PFDN1: variants seen among roughly 807,000 people sequenced by gnomAD.
PFDN1 encodes prefoldin subunit 1.
PFDN1 carries 6 observed loss-of-function variants against 17.3 expected under a neutral mutation model. That is an observed-to-expected ratio of 0.35 (90% CI 0.19 to 0.69). The LOEUF is 0.69. Ranked by LOEUF, PFDN1 falls within the 30% of genes least tolerant of loss-of-function variation. PFDN1 has a pLI of 0.65. For synonymous variants in PFDN1, 58 were observed against 50.1 expected (o/e 1.16, Z -0.67); for missense variants, 113 against 146.2 (o/e 0.77, Z 1.17).
At chr5:140,273,798 C>G (rs1765248581) in intron 3 of PFDN1, 3 of 439,008 alleles carry the variant, frequency 6.8e-6, no homozygotes, top group Non-Finnish European at 9.0e-6. Context: ...GCTGAGCTAA[C>G]CAGGGTGGTG....
chr5:140,287,298 G>A (rs531014665), intron 2 of PFDN1, among the ~76,000 whole-genome samples: 4 of 152,300 alleles, frequency 2.6e-5, no homozygotes, highest in Non-Finnish European at 2.9e-5. Flanking sequence ...TCGAAGAGTC[G>A]GAGATATCAG....
At chr5:140,288,075 T>C (rs192565043) in intron 2 of PFDN1, among the ~76,000 whole-genome samples, 54 of 152,374 alleles carry the variant, frequency 3.5e-4, no homozygotes, top group Non-Finnish European at 2.9e-5. Context: ...CAGTCCATTA[T>C]CCAAATGAGT....
intron 3 of PFDN1, among the ~76,000 whole-genome samples, chr5:140,250,763 G>A (rs2126678077): frequency 6.6e-6 from 1 of 152,272 alleles, no homozygotes; most frequent in Non-Finnish European, 1.5e-5. Context: ...AGAAGCAAAG[G>A]CAGAAAATGA....
At chr5:140,269,222 A>G (rs752077705) in intron 3 of PFDN1, among the ~76,000 whole-genome samples, 3 of 152,076 alleles carry the variant, frequency 2.0e-5, no homozygotes, top group Non-Finnish European at 4.4e-5. Context: ...TTTGTTGCCC[A>G]GGCTGGTCTC....
At chr5:140,249,778 T>C (rs1304369527) in intron 3 of PFDN1, among the ~76,000 whole-genome samples, 1 of 152,054 alleles carries the variant, frequency 6.6e-6, no homozygotes, top group Non-Finnish European at 1.5e-5. Flanking sequence ...CCAGGCTCTT[T>C]TCAACAGCCA....
At chr5:140,283,639 T>C (rs1478408152) in intron 2 of PFDN1, among the ~76,000 whole-genome samples, 39 of 152,190 alleles carry the variant, frequency 2.6e-4, no homozygotes, top group Non-Finnish European at 1.5e-5. Context: ...CAAGGATTAA[T>C]TCCAGGTCTT....
At chr5:140,271,017 A>T (rs996225846) in intron 3 of PFDN1, among the ~76,000 whole-genome samples, 1 of 152,230 alleles carries the variant, frequency 6.6e-6, no homozygotes, top group East Asian at 1.9e-4. Flanking sequence ...TGCATCACAG[A>T]TGCTTTATAT....
chr5:140,282,659 T>C (rs1048266359), intron 2 of PFDN1, among the ~76,000 whole-genome samples: 1 of 152,192 alleles, frequency 6.6e-6, no homozygotes, highest in Non-Finnish European at 1.5e-5. Flanking sequence ...GGTGGAAATA[T>C]GGAGAAGTTT....
At chr5:140,250,941 T>G (rs915744873) in intron 3 of PFDN1, among the ~76,000 whole-genome samples, 4 of 152,234 alleles carry the variant, frequency 2.6e-5, no homozygotes, top group Non-Finnish European at 4.4e-5. Context: ...TATATTCTTT[T>G]TATTTTTTTT....
At chr5:140,290,540 G>A (rs1765564374) in intron 2 of PFDN1, among the ~76,000 whole-genome samples, 1 of 152,174 alleles carries the variant, frequency 6.6e-6, no homozygotes, top group South Asian at 2.1e-4. Flanking sequence ...ATTACACTCA[G>A]TGAAAGTACA....
Position 140,245,741 on chromosome 5 carries a change from T to C in PFDN1, c.*233A>G. 1 of 611,418 alleles carries C rather than the reference T, an allele frequency of 1.6e-6. No homozygotes were observed. The highest frequency in any genetic ancestry group is 4.3e-4 in the Middle Eastern group (1 of 2,304). 37.9% of individuals were successfully genotyped at this position (611,418 alleles called of 1,614,324 possible). A position where few individuals can be genotyped will look rare whatever the true frequency, so the allele number is the denominator to read the frequency against. Reference sequence around the variant, plus strand: ...CCATCTTCCCTCTCCTGGGAGTTCATCACACATCCCGAGAGGGAAGAGTGT... The same window carrying C: ...CCATCTTCCCTCTCCTGGGAGTTCACCACACATCCCGAGAGGGAAGAGTGT... On this transcript the variant is annotated 3_prime_UTR_variant, in exon 4 of 4. Transcript: ENST00000261813.
At chr5:140,250,602 G>A (rs1027762538) in intron 3 of PFDN1, among the ~76,000 whole-genome samples, 2 of 152,142 alleles carry the variant, frequency 1.3e-5, no homozygotes, top group African/African-American at 2.4e-5. Context: ...CACCTGATAC[G>A]GTCCTACCGT....
At chr5:140,271,365 A>G (rs921778855) in intron 3 of PFDN1, among the ~76,000 whole-genome samples, 4 of 152,226 alleles carry the variant, frequency 2.6e-5, no homozygotes, top group African/African-American at 9.6e-5. Flanking sequence ...TAAAGAGATA[A>G]GTACTCATGT....
At chr5:140,280,597 G>A (rs1360639907) in intron 3 of PFDN1, among the ~76,000 whole-genome samples, 4 of 152,154 alleles carry the variant, frequency 2.6e-5, no homozygotes, top group Non-Finnish European at 4.4e-5. Context: ...ATCCTCAGGA[G>A]GCTACAAGTT....
intron 3 of PFDN1, among the ~76,000 whole-genome samples, chr5:140,280,504 C>T (rs1389538981): frequency 6.6e-6 from 1 of 152,116 alleles, no homozygotes; most frequent in African/African-American, 2.4e-5. Flanking sequence ...AAGTTTGTTT[C>T]AACTATCAGT....
intron 2 of PFDN1, among the ~76,000 whole-genome samples, chr5:140,286,315 G>C (rs1765487531): frequency 6.7e-6 from 1 of 148,720 alleles, no homozygotes; most frequent in Admixed American, 6.8e-5. Flanking sequence ...GAGAGGCTGA[G>C]ACAGGAAAAT....
chr5:140,275,648 GA>G (rs1765279371), intron 3 of PFDN1, among the ~76,000 whole-genome samples: 1 of 152,104 alleles, frequency 6.6e-6, no homozygotes, highest in African/African-American at 2.4e-5. Flanking sequence ...AAGAAATCAG[GA>G]GAGGGCAAGT....
intron 2 of PFDN1, among the ~76,000 whole-genome samples, chr5:140,294,122 G>A (rs537091006): frequency 3.6e-4 from 55 of 152,064 alleles, no homozygotes; most frequent in African/African-American, 1.2e-3. Flanking sequence ...CCTTTAAAGA[G>A]GGTATAAAAT....
intron 3 of PFDN1, among the ~76,000 whole-genome samples, chr5:140,279,370 T>C (rs1200955762): frequency 1.3e-5 from 2 of 152,190 alleles, no homozygotes; most frequent in Non-Finnish European, 1.5e-5. Flanking sequence ...TAAAACATTC[T>C]ACCAGTATTT....
Sources: gnomAD v4.1 joint callset for allele counts (sites outside exome capture counted in the v4.1 genomes callset) on GRCh38, gnomAD v4.1.1 for gene constraint, MANE v1.5 for transcripts, NCBI Gene and HGNC (gene_info 2026-07-23, HGNC 2026-07-21) for gene names.